MAPK10: variants seen among roughly 807,000 people sequenced by gnomAD.
MAPK10 encodes the protein mitogen-activated protein kinase 10, also known as JNK3 alpha protein kinase.
A neutral mutation model predicts 59.3 loss-of-function variants in MAPK10; 25 were observed. That is an observed-to-expected ratio of 0.42 (90% CI 0.31 to 0.59). The LOEUF (loss-of-function observed/expected upper bound fraction) is 0.59, where lower values mean the gene tolerates loss of function less well. MAPK10 is among the 20% of genes least tolerant of loss of function. The probability of loss-of-function intolerance (pLI) is 0.15; values close to 1 mark genes in which losing one functional copy is unlikely to be tolerated. For synonymous variants in MAPK10, 190 were observed against 200.5 expected, an observed-to-expected ratio of 0.95 and a Z score of 0.44; for missense variants, 351 against 568.9, an observed-to-expected ratio of 0.62 and a Z score of 3.90.
chr4:86,260,511 C>T (rs940115522), intron 2 of MAPK10, among the ~76,000 whole-genome samples: 1 of 151,948 alleles, frequency 6.6e-6, no homozygotes, highest in East Asian at 1.9e-4. Flanking sequence ...AACTGTTCTA[C>T]GAGGACCTTA....
At chr4:86,306,541 T>C (rs910783869) in intron 2 of MAPK10, among the ~76,000 whole-genome samples, 3 of 152,234 alleles carry the variant, frequency 2.0e-5, no homozygotes, top group African/African-American at 7.2e-5. Context: ...AGCAAATCAG[T>C]TGCATCAGTT....
At chr4:86,401,052 C>T (rs532945977) in intron 1 of MAPK10, among the ~76,000 whole-genome samples, 1 of 152,214 alleles carries the variant, frequency 6.6e-6, no homozygotes, top group African/African-American at 2.4e-5. Context: ...GTATATCTAA[C>T]TACATGCATT....
chr4:86,127,014 T>C (rs1161684663), intron 4 of MAPK10, among the ~76,000 whole-genome samples: 1 of 152,006 alleles, frequency 6.6e-6, no homozygotes, highest in Non-Finnish European at 1.5e-5. Flanking sequence ...AACCTCGCTT[T>C]CCTCCAATCC....
At chr4:86,388,668 C>A (rs999216680) in intron 1 of MAPK10, among the ~76,000 whole-genome samples, 7 of 151,946 alleles carry the variant, frequency 4.6e-5, no homozygotes, top group African/African-American at 1.7e-4. Context: ...TCAAGGATGG[C>A]GATTGAATCC....
At chr4:86,525,691 C>T (rs1459323589) in intron 1 of MAPK10, among the ~76,000 whole-genome samples, 1 of 152,218 alleles carries the variant, frequency 6.6e-6, no homozygotes, top group Non-Finnish European at 1.5e-5. Context: ...TGGAGCTCAA[C>T]ACTTACGAGT....
chr4:86,415,044 G>C (rs913729491), intron 1 of MAPK10, among the ~76,000 whole-genome samples: 1 of 150,660 alleles, frequency 6.6e-6, no homozygotes, highest in East Asian at 2.0e-4. Flanking sequence ...GGAGACCGAG[G>C]TGAAAGGATT....
At chr4:86,052,099 T>A (rs1016217037) in intron 11 of MAPK10, among the ~76,000 whole-genome samples, 4 of 152,180 alleles carry the variant, frequency 2.6e-5, no homozygotes, top group South Asian at 2.1e-4. Flanking sequence ...ATAGTTTTTT[T>A]AAATCACAAT....
At chr4:86,404,652 G>A (rs1001002987) in intron 1 of MAPK10, among the ~76,000 whole-genome samples, 2 of 152,106 alleles carry the variant, frequency 1.3e-5, no homozygotes, top group African/African-American at 2.4e-5. Flanking sequence ...TTGAAAATAA[G>A]AAAAGCAAAA....
chr4:86,325,623 TA>T lies in MAPK10; in HGVS notation c.-7+28906del, dbSNP rs2096005957. Among the ~76,000 whole-genome samples the T allele has an allele frequency of 3.3e-5, 5 of 152,346 alleles. No homozygotes were observed. In the South Asian group the frequency reaches 1.0e-3, roughly 32 times the overall value. On this transcript the variant is annotated intron_variant, in intron 2 of 13. Transcript: ENST00000641462. Reference sequence around the variant, plus strand: ...AAAAGATATGACTGTATCTGAATTTTAAAATAAAAATGACATTAGAACATTC... The same window carrying T: ...AAAAGATATGACTGTATCTGAATTTTAAATAAAAATGACATTAGAACATTC...
At chr4:86,471,902 G>A (rs1470382331) in intron 1 of MAPK10, among the ~76,000 whole-genome samples, 1 of 151,954 alleles carries the variant, frequency 6.6e-6, no homozygotes, top group Admixed American at 6.6e-5. Flanking sequence ...ACCCAAAAAT[G>A]TTGTCTTTTA....
rs376668343 is a variant in MAPK10 at position 86,029,127 on chromosome 4, G to A, written c.1252+70C>T. The A allele has an allele frequency of 1.5e-4, 138 of 946,918 alleles. No individual in the cohort carries two copies. In the African/African-American group the frequency reaches 1.9e-3, roughly 13 times the overall value. The allele number at this position is 946,918 out of a possible 1,614,324, so 58.7% of individuals were successfully genotyped here. A position where few individuals can be genotyped will look rare whatever the true frequency, so the allele number is the denominator to read the frequency against. On this transcript the variant is annotated intron_variant, in intron 13 of 13. Transcript: ENST00000641462. ...TTTAAGCAATGTTATGTTATTTCTTGCAACCCCTACACAAAGGCCAAGAAA... is the reference window on the plus strand; with the variant it reads ...TTTAAGCAATGTTATGTTATTTCTTACAACCCCTACACAAAGGCCAAGAAA...
At chr4:86,094,032 G>T (rs963172394) in intron 9 of MAPK10, among the ~76,000 whole-genome samples, 1 of 151,834 alleles carries the variant, frequency 6.6e-6, no homozygotes, top group Non-Finnish European at 1.5e-5. Context: ...AAAAGAGTTA[G>T]ACTATATAGT....
intron 1 of MAPK10, among the ~76,000 whole-genome samples, chr4:86,420,646 A>T (rs957167225): frequency 2.0e-5 from 3 of 152,094 alleles, no homozygotes; most frequent in Non-Finnish European, 4.4e-5. Flanking sequence ...AATATTACCC[A>T]GGCATGGTAG....
intron 1 of MAPK10, among the ~76,000 whole-genome samples, chr4:86,572,520 C>CA (rs1300098157): frequency 6.6e-6 from 1 of 152,190 alleles, no homozygotes; most frequent in African/African-American, 2.4e-5. Context: ...ACACTATATG[C>CA]AAACAGGGCA....
At chr4:86,051,030 A>C (rs369447282) in intron 11 of MAPK10, among the ~76,000 whole-genome samples, 2 of 152,180 alleles carry the variant, frequency 1.3e-5, no homozygotes, top group South Asian at 2.1e-4. Context: ...TGGAATTAGA[A>C]ACTGTGGGGA....
chr4:86,075,337 G>C (rs1336915324), intron 9 of MAPK10, among the ~76,000 whole-genome samples: 1 of 151,850 alleles, frequency 6.6e-6, no homozygotes, highest in Non-Finnish European at 1.5e-5. Context: ...CCTTTGGTTT[G>C]AATGTCCTCC....
intron 9 of MAPK10, chr4:86,081,833 C>G (rs2050720638): frequency 6.6e-6 from 1 of 151,282 alleles, no homozygotes; most frequent in African/African-American, 2.4e-5. Flanking sequence ...AAACCTTGCA[C>G]ATGTGCTCTT....
intron 2 of MAPK10, among the ~76,000 whole-genome samples, chr4:86,245,347 T>G (rs1432765818): frequency 2.0e-5 from 3 of 150,454 alleles, no homozygotes; most frequent in Non-Finnish European, 4.4e-5. Context: ...GCTCTCACTC[T>G]GTTGCCCAGA....
At chr4:86,097,528 G>A (rs2149064063) in intron 9 of MAPK10, among the ~76,000 whole-genome samples, 1 of 151,940 alleles carries the variant, frequency 6.6e-6, no homozygotes, top group Admixed American at 6.6e-5. Context: ...TGGGTCACAT[G>A]GTTATTGCCA....
Sources: allele counts gnomAD v4.1 joint callset (sites outside exome capture counted in the v4.1 genomes callset), GRCh38; gene constraint gnomAD v4.1.1; transcripts MANE v1.5; gene names NCBI Gene and HGNC (gene_info 2026-07-23, HGNC 2026-07-21).